CACNA1I: variants seen among roughly 807,000 people sequenced by gnomAD.
The protein encoded by CACNA1I is voltage-dependent T-type calcium channel subunit alpha-1I.
A neutral mutation model predicts 201.6 loss-of-function variants in CACNA1I; 74 were observed. That is an observed-to-expected ratio of 0.37 (90% CI 0.30 to 0.45). CACNA1I has a LOEUF of 0.45. CACNA1I is among the 20% of genes least tolerant of loss of function. CACNA1I has a pLI of 1.00. For synonymous variants in CACNA1I, 1,431 were observed against 1,345.2 expected (o/e 1.06, Z -1.40); for missense variants, 2,346 against 3,138.1 (o/e 0.75, Z 6.03).
Position 39,649,914 on chromosome 22 carries a change from C to T in CACNA1I, c.1981C>T (p.His661Tyr), listed in dbSNP as rs573540380. The T allele has an allele frequency of 3.7e-6, 6 of 1,613,192 alleles. No individual in the cohort carries two copies. The highest frequency in any genetic ancestry group is 1.6e-4 in the Middle Eastern group (1 of 6,062). Residue 661 changes from histidine to tyrosine, a missense_variant, in exon 10 of 37, where the codon CAC becomes TAC. His to Tyr is a moderately conservative substitution (Grantham distance 83, BLOSUM62 2). Transcript: ENST00000402142. The surrounding 1 kb of genome is among the most constrained non-coding windows in gnomAD (Gnocchi z 7.3). Reference sequence around the variant, plus strand: ...CAACACCGTCAGCATGGGCATCGAGCACCACGAGCAGGCCAGTGCAGCGCA... The same window carrying T: ...CAACACCGTCAGCATGGGCATCGAGTACCACGAGCAGGCCAGTGCAGCGCA... Reference protein sequence around the residue: ...LVNTVSMGIEHHEQPEELTNI... With the variant: ...LVNTVSMGIEYHEQPEELTNI...
chr22:39,653,917 C>T (rs528551621), intron 10 of CACNA1I, among the ~76,000 whole-genome samples: 8 of 152,288 alleles, frequency 5.3e-5, no homozygotes, highest in Admixed American at 3.9e-4. Flanking sequence ...GTGTGACTCA[C>T]GAAGTGGTGA....
Position 39,686,184 on chromosome 22 carries a change from AG to A in CACNA1I, c.6453del (p.Lys2152SerfsTer120). 8.0e-7 allele frequency: 1 copy of A among 1,256,114 alleles called. No homozygotes were observed. The highest frequency in any genetic ancestry group is 1.0e-6 in the Non-Finnish European group (1 of 1,000,502). 77.8% of individuals were successfully genotyped at this position (1,256,114 alleles called of 1,614,324 possible). A position where few individuals can be genotyped will look rare whatever the true frequency, so the allele number is the denominator to read the frequency against. ...GCCAGCCCCCGGCCTCACGCCCGCC[AG>A]GAAGTTCAGCAGCACCAGCAGCCTG... is the stretch of plus-strand genomic sequence containing the variant. ...PPPAPGLTPA[R>X]KFSSTSSLAA... On this transcript the variant is annotated frameshift_variant, in exon 37 of 37. Transcript: ENST00000402142. LOFTEE classifies it low-confidence loss of function (END_TRUNC).
At chr22:39,669,926 G>A in intron 24 of CACNA1I, 112 bp from the exon 25 acceptor site, 1 of 1,202,830 alleles carries the variant, frequency 8.3e-7, no homozygotes, top group Non-Finnish European at 1.2e-6. Context: ...CCACCTTCCT[G>A]GAGGCAGGCT....
In CACNA1I at chr22:39,670,915, C is replaced by T. The variant is rs142211910; in HGVS notation, c.4500C>T (p.Asn1500=). The change falls in exon 26 of 37, where the codon AAC becomes AAT. Residue 1500 remains asparagine (N), a synonymous_variant. Coordinates refer to ENST00000402142, the MANE Select transcript of CACNA1I (RefSeq NM_021096.4). ...DIFITFIICL[N]VVTMSLEHYN... ...TCATCACCTTCATCATCTGCCTCAA[C>T]GTGGTCACCATGTCCCTGGAGCACT... The T allele has an allele frequency of 3.8e-4, 618 of 1,613,932 alleles. 1 individual carries two copies. In the East Asian group the frequency reaches 0.011, roughly 28 times the overall value.
Position 39,668,479 on chromosome 22 carries a change from C to T in CACNA1I, c.4194+98C>T, listed in dbSNP as rs1321396008. ...AATTTGAAACTGGTGCCAATGAGTT[C>T]CACAGCCCCAGTGTCTCCCCACTGT... On this transcript the variant is annotated intron_variant, in intron 24 of 36. Coordinates refer to ENST00000402142, the MANE Select transcript of CACNA1I (RefSeq NM_021096.4). The T allele has an allele frequency of 1.5e-5, 11 of 740,048 alleles. No homozygotes were observed. In the African/African-American group the frequency reaches 1.5e-4, roughly 10 times the overall value. The allele number at this position is 740,048 out of a possible 1,614,324, so 45.8% of individuals were successfully genotyped here. A position where few individuals can be genotyped will look rare whatever the true frequency, so the allele number is the denominator to read the frequency against.
rs901566965 is a variant in CACNA1I at position 39,687,792 on chromosome 22, G to A, written c.*1387G>A. 2.0e-5 allele frequency: 3 copies of A among 152,214 alleles called. No homozygotes were observed. Among genetic ancestry groups the A allele is most frequent in the South Asian group, 2.1e-4 (1 of 4,820 alleles). 9.4% of individuals were successfully genotyped at this position (152,214 alleles called of 1,614,324 possible). ...ATTGGGAAAAAAATGCATTGAACCC[G>A]TGATTTCACAGACATTTTGCTTAGG... On this transcript the variant is annotated 3_prime_UTR_variant, in exon 37 of 37. Coordinates refer to ENST00000402142, the MANE Select transcript of CACNA1I (RefSeq NM_021096.4).
chr22:39,618,277 C>CTGTGTG, intron 3 of CACNA1I, among the ~76,000 whole-genome samples: 1 of 145,458 alleles, frequency 6.9e-6, no homozygotes, highest in East Asian at 2.1e-4. Context: ...AAGTGTGTGA[C>CTGTGTG]TGTGTGTGTG....
chr22:39,661,982 C>G lies in CACNA1I; in HGVS notation c.2919C>G (p.Ser973=). Reference sequence around the variant, plus strand: ...CCTTCCAGTCCAGCTCCCGGAGCTCCTACTACGGGCCATGGGGCCGCAGCG... The same window carrying G: ...CCTTCCAGTCCAGCTCCCGGAGCTCGTACTACGGGCCATGGGGCCGCAGCG... ...DQRSLSSSRS[S]YYGPWGRSAA... Residue 973 remains serine (S), a synonymous_variant, in exon 17 of 37, where the codon TCC becomes TCG. Coordinates refer to ENST00000402142, the MANE Select transcript of CACNA1I (RefSeq NM_021096.4). The G allele has an allele frequency of 6.4e-7, 1 of 1,550,472 alleles. No individual in the cohort carries two copies. Among genetic ancestry groups the G allele is most frequent in the Non-Finnish European group, 8.7e-7 (1 of 1,153,484 alleles).
At chr22:39,576,507 A>G (rs1309317760) in intron 1 of CACNA1I, among the ~76,000 whole-genome samples, 7 of 152,156 alleles carry the variant, frequency 4.6e-5, no homozygotes, top group Admixed American at 4.6e-4. Context: ...GTCTGGAGAA[A>G]CACCAGGTTC....
chr22:39,610,155 C>G (rs1244127633), intron 3 of CACNA1I, among the ~76,000 whole-genome samples: 1 of 152,212 alleles, frequency 6.6e-6, no homozygotes, highest in Non-Finnish European at 1.5e-5. Flanking sequence ...TGACTTTACA[C>G]TCTGATCTAT....
chr22:39,646,541 C>T, intron 7 of CACNA1I, 28 bp from the exon 8 acceptor site: 1 of 1,517,534 alleles, frequency 6.6e-7, no homozygotes, highest in Non-Finnish European at 8.9e-7. Context: ...CTGTCCCTGT[C>T]CCTGTCCTCT....
chr22:39,591,733 T>C (rs1932824631), intron 1 of CACNA1I, among the ~76,000 whole-genome samples: 1 of 151,946 alleles, frequency 6.6e-6, no homozygotes, highest in Admixed American at 6.6e-5. Context: ...TAATTTTTTG[T>C]ATTTTTAGTA....
rs149256269 is a variant in CACNA1I, at chr22:39,602,585, T to G, written c.482+1932T>G. Among the ~76,000 whole-genome samples the G allele has an allele frequency of 2.2e-3, 342 of 152,214 alleles. 3 individuals carry two copies. Among genetic ancestry groups the G allele is most frequent in the African/African-American group, 7.3e-3 (303 of 41,528 alleles). On this transcript the variant is annotated intron_variant, in intron 3 of 36. Coordinates refer to ENST00000402142, the MANE Select transcript of CACNA1I (RefSeq NM_021096.4). ...TTTAAAAGAAAAGGTGTTTGGATAG[T>G]GTCATTTTTCAATCTTGCCTGTCCA... is the stretch of plus-strand genomic sequence containing the variant.
chr22:39,651,645 G>A (rs1462334620), intron 10 of CACNA1I, among the ~76,000 whole-genome samples: 3 of 152,310 alleles, frequency 2.0e-5, no homozygotes, highest in African/African-American at 4.8e-5. Flanking sequence ...GGGCAGCATC[G>A]AGGGGGCCTG....
At chr22:39,643,742 G>A (rs1215517787) in intron 7 of CACNA1I, among the ~76,000 whole-genome samples, 1 of 152,210 alleles carries the variant, frequency 6.6e-6, no homozygotes, top group Non-Finnish European at 1.5e-5. Flanking sequence ...TGCTTTCTTG[G>A]GGAGGCTGGG....
At chr22:39,574,246 C>T (rs1238321115) in intron 1 of CACNA1I, among the ~76,000 whole-genome samples, 12 of 152,062 alleles carry the variant, frequency 7.9e-5, no homozygotes, top group African/African-American at 2.9e-4. Context: ...AGTGTGTGAG[C>T]CTAAGACTTG....
At chr22:39,607,334 A>G (rs942073540) in intron 3 of CACNA1I, among the ~76,000 whole-genome samples, 2 of 152,212 alleles carry the variant, frequency 1.3e-5, no homozygotes, top group African/African-American at 2.4e-5. Flanking sequence ...ATGTTCCTCC[A>G]ACGTCAGGGA....
chr22:39,602,027 TCCTTCTCTCTCTCTTTCTTTCG>T, intron 3 of CACNA1I, among the ~76,000 whole-genome samples: 1 of 16,214 alleles, frequency 6.2e-5, no homozygotes, highest in Non-Finnish European at 1.1e-4. Context: ...CCTCCTTCCT[TCCTTCTCTCTCTCTTTCTTTCG>T]CCCTCCCTCC....
Position 39,662,398 on chromosome 22 carries a change from G to GCGGGGAT in CACNA1I, c.3338_3344dup (p.Glu1117SerfsTer5), listed in dbSNP as rs2146450935. On this transcript the variant is annotated frameshift_variant, in exon 17 of 37. Transcript: ENST00000402142. LOFTEE classifies it high-confidence loss of function. ...GACGTCTTCACCAAGATGGGCGACC[G>GCGGGGAT]CGGGGATCGCGGGGAGGATGAGGAG... 1 of 1,463,174 alleles carries GCGGGGAT rather than the reference G, an allele frequency of 6.8e-7. No homozygotes were observed. Among genetic ancestry groups the GCGGGGAT allele is most frequent in the Non-Finnish European group, 9.0e-7 (1 of 1,116,952 alleles). 90.6% of individuals were successfully genotyped at this position (1,463,174 alleles called of 1,614,324 possible). A position where few individuals can be genotyped will look rare whatever the true frequency, so the allele number is the denominator to read the frequency against.
Sources: allele counts gnomAD v4.1 joint callset (sites outside exome capture counted in the v4.1 genomes callset), GRCh38; gene constraint gnomAD v4.1.1; non-coding constraint Gnocchi (gnomAD v3.1); transcripts MANE v1.5; gene names NCBI Gene and HGNC (gene_info 2026-07-23, HGNC 2026-07-21).